The following DLG3 variants were observed in gnomAD, a reference collection of about 807,000 sequenced individuals.
DLG3 encodes the protein disks large homolog 3.
Under a neutral mutation model 64.1 loss-of-function variants are expected in DLG3, and 1 was observed. That is an observed-to-expected ratio of 0.02 (90% CI 0.01 to 0.07). DLG3 has a LOEUF of 0.07. DLG3 is among the 10% of genes least tolerant of loss of function. The pLI is 1.00. For missense variants in DLG3, 429 were observed against 669.5 expected, an observed-to-expected ratio of 0.64 and a Z score of 3.96; for synonymous variants, 245 against 259.8, an observed-to-expected ratio of 0.94 and a Z score of 0.55.
chrX:70,449,211 T>TG (rs2086594775), intron 2 of DLG3, 148 bp from the exon 3 acceptor site: 1 of 873,320 alleles, frequency 1.1e-6, no homozygotes, highest in African/African-American at 1.9e-5. Flanking sequence ...CAGCAGAGGC[T>TG]GGGTGTCTGA....
intron 9 of DLG3, chrX:70,455,225 C>G (rs2086683859): frequency 1.3e-6 from 1 of 753,175 alleles, no homozygotes; most frequent in Non-Finnish European, 1.6e-6. Context: ...GGAGCTGGCG[C>G]TTTCTCAGCA....
chrX:70,445,098 A>T lies in DLG3; in HGVS notation c.-104A>T. The T allele has an allele frequency of 1.6e-6, 1 of 642,670 alleles. No homozygotes were observed. The highest frequency in any genetic ancestry group is 2.3e-6 in the Non-Finnish European group (1 of 443,805). 53.0% of individuals were successfully genotyped at this position (642,670 alleles called of 1,213,427 possible). A position where few individuals can be genotyped will look rare whatever the true frequency, so the allele number is the denominator to read the frequency against. On this transcript the variant is annotated 5_prime_UTR_variant, in exon 1 of 19. Coordinates refer to ENST00000374360, the MANE Select transcript of DLG3 (RefSeq NM_021120.4). ...CCCCCTTCTTGGTCCGAGCAGTGTGAGTGTGCCAGGGAGCCCGGCGGCGGC... is the reference window on the plus strand; with the variant it reads ...CCCCCTTCTTGGTCCGAGCAGTGTGTGTGTGCCAGGGAGCCCGGCGGCGGC...
chrX:70,482,596 T>C (rs1213027251), intron 10 of DLG3, among the ~76,000 whole-genome samples: 1 of 106,761 alleles, frequency 9.4e-6, no homozygotes, highest in Non-Finnish European at 1.9e-5. Context: ...CTAGTAAAAA[T>C]ACAGATTCCC....
intron 9 of DLG3, among the ~76,000 whole-genome samples, chrX:70,460,001 C>T (rs926598349): frequency 2.7e-5 from 3 of 111,081 alleles, no homozygotes; most frequent in Non-Finnish European, 1.9e-5. Flanking sequence ...AATGAACTCC[C>T]AGGCCGGGCG....
chrX:70,457,922 C>T (rs1184705620), intron 9 of DLG3, among the ~76,000 whole-genome samples: 1 of 110,126 alleles, frequency 9.1e-6, no homozygotes, highest in Non-Finnish European at 1.9e-5. Flanking sequence ...GTTGCCCAGG[C>T]TGGAGTGCAG....
intron 9 of DLG3, among the ~76,000 whole-genome samples, chrX:70,465,935 TG>T (rs1179225443): frequency 8.9e-6 from 1 of 111,984 alleles, no homozygotes; most frequent in Non-Finnish European, 1.9e-5. Context: ...ACATTCTGAT[TG>T]ATACCCTTGT....
At chrX:70,448,645 A>T in intron 1 of DLG3, 2 of 1,159,611 alleles carry the variant, frequency 1.7e-6, no homozygotes, top group Non-Finnish European at 2.3e-6. Flanking sequence ...TGAGTGCACC[A>T]CTGGCTGGCT....
intron 9 of DLG3, among the ~76,000 whole-genome samples, chrX:70,470,786 A>G (rs1254337291): frequency 8.9e-6 from 1 of 111,892 alleles, no homozygotes; most frequent in Non-Finnish European, 1.9e-5. Context: ...TTTTCCTGTC[A>G]TTAGGCAGGT....
intron 9 of DLG3, among the ~76,000 whole-genome samples, chrX:70,471,335 T>C (rs1028019387): frequency 9.1e-6 from 1 of 109,301 alleles, no homozygotes; most frequent in African/African-American, 3.3e-5. Context: ...ACATAACTTT[T>C]TTTTTTTTTT....
rs757504402 is a variant in DLG3, at chrX:70,463,726, T to C, written c.1405+9410T>C. 3.6e-5 allele frequency among the ~76,000 whole-genome samples: 4 copies of C among 112,045 alleles called. No individual in the cohort carries two copies. The South Asian group carries it at 1.5e-3, about 42-fold the overall frequency. On this transcript the variant is annotated intron_variant, in intron 9 of 18. Transcript: ENST00000374360. The stretch of plus-strand genomic sequence containing the variant: ...TTAGAGTAGCTGAATGATCTTAGAC[T>C]AGTCAACCTTCCTCTTAGGGACTCA...
intron 1 of DLG3, among the ~76,000 whole-genome samples, chrX:70,446,509 G>A (rs1295850060): frequency 8.9e-6 from 1 of 112,519 alleles, no homozygotes; most frequent in African/African-American, 3.2e-5. Flanking sequence ...AGCCGGCAAG[G>A]GGCAGCTGCC....
intron 9 of DLG3, among the ~76,000 whole-genome samples, chrX:70,456,740 A>G (rs1184861388): frequency 9.4e-6 from 1 of 105,902 alleles, no homozygotes; most frequent in Non-Finnish European, 2.0e-5. Context: ...CAAGTCCCCA[A>G]CATGCAAAAG....
rs778855350 is a variant in DLG3, at chrX:70,445,329, G to T, written c.128G>T (p.Gly43Val). ...WQVPDPYGPG[G>V]GNGASAGYGG... is the part of the protein sequence containing the mutation. ...GTCCCCGACCCTTACGGGCCAGGTG[G>T]GGGCAACGGCGCCAGCGCGGGTTAT... The change falls in exon 1 of 19, where the codon GGG (glycine) becomes GTG (valine). Residue 43 changes from glycine (G) to valine (V), a missense_variant. Gly to Val is a moderately radical substitution (Grantham distance 109, BLOSUM62 -3). Around this residue, in one of 9 missense-constraint regions of DLG3, gnomAD observed 123 missense variants for 113.3 expected, o/e 1.09. Transcript: ENST00000374360. 23 of 1,167,472 alleles carry T rather than the reference G, an allele frequency of 2.0e-5. No individual in the cohort carries two copies. The East Asian group carries it at 3.9e-4, about 20-fold the overall frequency.
intron 2 of DLG3, 102 bp downstream of exon 2, chrX:70,449,065 C>A: frequency 1.0e-6 from 1 of 956,252 alleles, no homozygotes; most frequent in Non-Finnish European, 1.5e-6. Flanking sequence ...GGGGGACCTG[C>A]ATTTAGAGGA....
rs2147901738 is a variant in DLG3 at position 70,504,066 on chromosome X, T to C, written c.*1797T>C. The C allele has an allele frequency of 8.9e-6, 1 of 111,830 alleles. No homozygotes were observed. Among genetic ancestry groups the C allele is most frequent in the African/African-American group, 3.3e-5 (1 of 30,705 alleles). 9.2% of individuals were successfully genotyped at this position (111,830 alleles called of 1,213,427 possible). A position where few individuals can be genotyped will look rare whatever the true frequency, so the allele number is the denominator to read the frequency against. On this transcript the variant is annotated 3_prime_UTR_variant, in exon 19 of 19. Coordinates refer to ENST00000374360, the MANE Select transcript of DLG3 (RefSeq NM_021120.4). Reference sequence around the variant, plus strand: ...AGTTGTCCAACCAGCAGAATGAGGCTAACTGTATAAAGCATGGGACCCAGG... The same window carrying C: ...AGTTGTCCAACCAGCAGAATGAGGCCAACTGTATAAAGCATGGGACCCAGG...
intron 10 of DLG3, among the ~76,000 whole-genome samples, chrX:70,485,152 G>T (rs1286483877): frequency 9.0e-6 from 1 of 111,158 alleles, no homozygotes; most frequent in African/African-American, 3.3e-5. Context: ...CACTCTCAGG[G>T]TTAGAAACTA....
At chrX:70,459,520 A>T (rs769020376) in intron 9 of DLG3, among the ~76,000 whole-genome samples, 1 of 112,392 alleles carries the variant, frequency 8.9e-6, no homozygotes, top group South Asian at 3.7e-4. Flanking sequence ...AAGTTCTGAA[A>T]TTCCCGTTGT....
chrX:70,446,883 G>C (rs973750206), intron 1 of DLG3, among the ~76,000 whole-genome samples: 4 of 112,247 alleles, frequency 3.6e-5, no homozygotes, highest in African/African-American at 6.5e-5. Context: ...TGTCCTCTGG[G>C]GATAGGATGT....
chrX:70,459,078 A>G lies in DLG3; in HGVS notation c.1405+4762A>G, dbSNP rs533619263. Among the ~76,000 whole-genome samples the G allele has an allele frequency of 3.1e-4, 35 of 111,955 alleles. No homozygotes were observed. The Admixed American group carries it at 3.2e-3, about 10-fold the overall frequency. ...ACTTTATATCAGCCTCTGTTTATAAACTGATCTAGTATTTTTCTTGAAAGC... is the reference window on the plus strand; with the variant it reads ...ACTTTATATCAGCCTCTGTTTATAAGCTGATCTAGTATTTTTCTTGAAAGC... On this transcript the variant is annotated intron_variant, in intron 9 of 18. Coordinates refer to ENST00000374360, the MANE Select transcript of DLG3 (RefSeq NM_021120.4).
Sources: gnomAD v4.1 joint callset for allele counts (sites outside exome capture counted in the v4.1 genomes callset) on GRCh38, gnomAD v4.1.1 for gene constraint, gnomAD v4.1.1 regional missense constraint, MANE v1.5 for transcripts, NCBI Gene and HGNC (gene_info 2026-07-23, HGNC 2026-07-21) for gene names.